The following SCAI variants were observed in gnomAD, a reference collection of about 807,000 sequenced individuals.
SCAI encodes the protein protein SCAI.
Under a neutral mutation model 92.2 loss-of-function variants are expected in SCAI, and 24 were observed. The observed-to-expected ratio is 0.26, with a 90% confidence interval of 0.19 to 0.37. The LOEUF (loss-of-function observed/expected upper bound fraction) is 0.37. Among genes scored for constraint, SCAI ranks in the 10% least tolerant of loss-of-function variants. SCAI has a pLI of 1.00. For missense variants in SCAI, 450 were observed against 736.2 expected, an observed-to-expected ratio of 0.61 and a Z score of 4.50; for synonymous variants, 261 against 258.6, an observed-to-expected ratio of 1.01 and a Z score of -0.09.
Position 124,952,877 on chromosome 9 carries a change from T to A in SCAI, c.1751A>T (p.His584Leu). 6.2e-7 allele frequency: 1 copy of A among 1,612,722 alleles called. No homozygotes were observed. The highest frequency in any genetic ancestry group is 8.5e-7 in the Non-Finnish European group (1 of 1,178,744). The change falls in exon 18 of 18, where the codon CAC becomes CTC. Residue 584 changes from histidine (H) to leucine (L), a missense_variant. Around this residue, in one of 3 missense-constraint regions of SCAI, gnomAD observed 360 missense variants for 601.8 expected, o/e 0.60. Transcript: ENST00000336505. The part of the protein sequence containing the change: ...ETVENPHLQK[H>L]ILELASILDV... ...CAGAATGGATGCTAATTCCAAAATG[T>A]GCTTCTGGAGATGAGGATTCTCCAC...
intron 17 of SCAI, among the ~76,000 whole-genome samples, chr9:124,964,541 T>TG (rs1831502181): frequency 6.6e-6 from 1 of 152,174 alleles, no homozygotes; most frequent in South Asian, 2.1e-4. Flanking sequence ...TTCTCTCCAT[T>TG]GGGGGTTCTC....
intron 3 of SCAI, among the ~76,000 whole-genome samples, chr9:125,033,796 G>A (rs1436327367): frequency 1.3e-5 from 2 of 152,136 alleles, no homozygotes; most frequent in African/African-American, 2.4e-5. Flanking sequence ...AGCAATACAC[G>A]ATGGACTGAG....
intron 3 of SCAI, among the ~76,000 whole-genome samples, chr9:125,050,380 G>A (rs903616565): frequency 2.0e-5 from 3 of 152,098 alleles, no homozygotes; most frequent in Admixed American, 6.5e-5. Flanking sequence ...ATCAACACTC[G>A]AAAGAAAAGA....
intron 12 of SCAI, among the ~76,000 whole-genome samples, chr9:125,001,614 G>C (rs75219114): frequency 0.017 from 2,549 of 152,278 alleles, 74 homozygotes; most frequent in African/African-American, 0.059. Context: ...TCAATGATGT[G>C]AAATAGATCA....
chr9:124,990,001 C>G (rs571751111), intron 14 of SCAI, among the ~76,000 whole-genome samples: 1 of 151,164 alleles, frequency 6.6e-6, no homozygotes, highest in East Asian at 1.9e-4. Context: ...ATGGAGAAAC[C>G]CTGTTTCTAC....
chr9:125,111,996 A>G (rs1330257417), intron 2 of SCAI, among the ~76,000 whole-genome samples: 2 of 152,196 alleles, frequency 1.3e-5, no homozygotes, highest in Non-Finnish European at 2.9e-5. Flanking sequence ...GTGTAGAAGA[A>G]AACTACCAGA....
intron 2 of SCAI, among the ~76,000 whole-genome samples, chr9:125,062,117 C>T (rs1168510714): frequency 4.0e-5 from 6 of 151,674 alleles, no homozygotes; most frequent in Non-Finnish European, 7.4e-5. Context: ...GGAAAGCATG[C>T]CTTAATCTCT....
chr9:125,013,380 C>G (rs896696596), intron 9 of SCAI, among the ~76,000 whole-genome samples: 25 of 152,206 alleles, frequency 1.6e-4, no homozygotes, highest in Middle Eastern at 3.4e-3. Context: ...TACAAACTAC[C>G]ATCAGAGAAT....
chr9:125,125,515 GAT>G (rs1491392515), intron 2 of SCAI, among the ~76,000 whole-genome samples: 2 of 145,034 alleles, frequency 1.4e-5, no homozygotes, highest in East Asian at 2.1e-4. Flanking sequence ...GCAACAGAGT[GAT>G]ACTCCATCTC....
chr9:124,961,873 CA>C (rs1430270079), intron 17 of SCAI, among the ~76,000 whole-genome samples: 1 of 148,418 alleles, frequency 6.7e-6, no homozygotes, highest in African/African-American at 2.5e-5. Flanking sequence ...TCCTTTGTGG[CA>C]GTTTTTTTTT....
At chr9:125,001,561 G>A (rs968145715) in intron 12 of SCAI, among the ~76,000 whole-genome samples, 1 of 152,194 alleles carries the variant, frequency 6.6e-6, no homozygotes, top group Non-Finnish European at 1.5e-5. Flanking sequence ...CCATCATGTA[G>A]CCATTGACCG....
intron 2 of SCAI, among the ~76,000 whole-genome samples, chr9:125,110,926 T>C (rs10986565): frequency 0.43 from 65,905 of 151,988 alleles, 14,687 homozygotes; most frequent in East Asian, 0.53. Context: ...GAACAGCCTG[T>C]GGAACCGTGA....
chr9:125,098,370 T>G (rs1834609802), intron 2 of SCAI, among the ~76,000 whole-genome samples: 1 of 152,102 alleles, frequency 6.6e-6, no homozygotes, highest in Non-Finnish European at 1.5e-5. Context: ...ATTTAGAACA[T>G]GACAGAAAAT....
chr9:124,986,601 T>C (rs2131608565), intron 14 of SCAI, among the ~76,000 whole-genome samples: 1 of 152,282 alleles, frequency 6.6e-6, no homozygotes, highest in Admixed American at 6.5e-5. Flanking sequence ...GAAGCTTAGA[T>C]ACCATCGATA....
rs192571244 is a variant in SCAI, at chr9:125,003,635, T to C, written c.862-65A>G. 12 of 988,280 alleles carry C rather than the reference T, an allele frequency of 1.2e-5. No homozygotes were observed. The African/African-American group carries it at 1.9e-4, about 16-fold the overall frequency. The allele number at this position is 988,280 out of a possible 1,614,324, so 61.2% of individuals were successfully genotyped here. ...GCAACACGCAGACTTTAAAGACTTT[T>C]ATCACGTTACTAGTTGTGACTTTCA... On this transcript the variant is annotated intron_variant, in intron 9 of 17. Coordinates refer to ENST00000336505, the MANE Select transcript of SCAI (RefSeq NM_001144877.3).
rs71374219 is a variant in SCAI, at chr9:125,032,195, A to ATTTTTTTTTTT, written c.231-2467_231-2457dup. 3.3e-4 allele frequency among the ~76,000 whole-genome samples: 33 copies of ATTTTTTTTTTT among 99,448 alleles called. 1 individual carries two copies. The highest frequency in any genetic ancestry group is 1.4e-3 in the African/African-American group (30 of 21,014). 65.2% of individuals were successfully genotyped at this position (99,448 alleles called of 152,430 possible). A position where few individuals can be genotyped will look rare whatever the true frequency, so the allele number is the denominator to read the frequency against. On this transcript the variant is annotated intron_variant, in intron 3 of 17. Coordinates refer to ENST00000336505, the MANE Select transcript of SCAI (RefSeq NM_001144877.3). ...AATATATATATATATATATATATAT[A>ATTTTTTTTTTT]TTTTTTTTTTTTTTTGAGATGGAGT...
At chr9:125,084,019 G>T (rs1245407182) in intron 2 of SCAI, among the ~76,000 whole-genome samples, 1 of 152,038 alleles carries the variant, frequency 6.6e-6, no homozygotes, top group Admixed American at 6.5e-5. Flanking sequence ...AGAGGAACAA[G>T]TACAAAGATG....
rs1291266113 is a variant in SCAI, at chr9:124,952,377, T to G, written c.*430A>C. ...ATATATTATGGAGGGACTCTGTTCTTGATTTTCAGTAGTCCATGGTGGCTA... is the reference window on the plus strand; with the variant it reads ...ATATATTATGGAGGGACTCTGTTCTGGATTTTCAGTAGTCCATGGTGGCTA... On this transcript the variant is annotated 3_prime_UTR_variant, in exon 18 of 18. Transcript: ENST00000336505. The G allele has an allele frequency of 6.5e-6, 1 of 152,744 alleles. No homozygotes were observed. 9.5% of individuals were successfully genotyped at this position (152,744 alleles called of 1,614,324 possible).
At chr9:125,043,197 C>G (rs986465117) in intron 3 of SCAI, among the ~76,000 whole-genome samples, 1 of 152,064 alleles carries the variant, frequency 6.6e-6, no homozygotes, top group African/African-American at 2.4e-5. Flanking sequence ...TGCTGCTGAC[C>G]TCCAACAAAG....
Sources: allele counts gnomAD v4.1 joint callset (sites outside exome capture counted in the v4.1 genomes callset), GRCh38; gene constraint gnomAD v4.1.1; regional missense constraint gnomAD v4.1.1; transcripts MANE v1.5; gene names NCBI Gene and HGNC (gene_info 2026-07-23, HGNC 2026-07-21).